The following ANO2 variants were observed in gnomAD, a reference collection of about 807,000 sequenced individuals.
The protein encoded by ANO2 is anoctamin 2.
In ANO2, 101 loss-of-function variants were observed where a neutral mutation model predicts 124.2. That is an observed-to-expected ratio of 0.81 (90% CI 0.69 to 0.96). ANO2 has a LOEUF of 0.96. ANO2 is among the 40% of genes least tolerant of loss of function. ANO2 has a pLI of 0.00. For synonymous variants in ANO2, 486 were observed against 482.5 expected (o/e 1.01, Z -0.09); for missense variants, 1,293 against 1,274.5 (o/e 1.01, Z -0.22).
chr12:5,804,358 T>A (rs1305151647), intron 9 of ANO2, among the ~76,000 whole-genome samples: 1 of 151,932 alleles, frequency 6.6e-6, no homozygotes, highest in African/African-American at 2.4e-5. Context: ...GACACTAAGG[T>A]TTTAGTCCTG....
chr12:5,563,688 G>A (rs1173025816), intron 24 of ANO2, 120 bp from the exon 25 acceptor site: 33 of 1,290,756 alleles, frequency 2.6e-5, no homozygotes, highest in South Asian at 6.8e-5. Flanking sequence ...CCCAGTGATC[G>A]CAACCAGTGA....
intron 15 of ANO2, among the ~76,000 whole-genome samples, chr12:5,642,715 C>T (rs1385916301): frequency 6.6e-6 from 1 of 152,128 alleles, no homozygotes; most frequent in Non-Finnish European, 1.5e-5. Flanking sequence ...ATAGAATTAG[C>T]CCATGTCCTT....
intron 14 of ANO2, among the ~76,000 whole-genome samples, chr12:5,648,127 T>C (rs1946738963): frequency 6.6e-6 from 1 of 152,194 alleles, no homozygotes; most frequent in East Asian, 1.9e-4. Flanking sequence ...TATTTTTTCA[T>C]CTGTAAATTG....
intron 6 of ANO2, among the ~76,000 whole-genome samples, chr12:5,828,247 T>A (rs1323963234): frequency 3.3e-5 from 5 of 151,534 alleles, no homozygotes; most frequent in Non-Finnish European, 7.4e-5. Context: ...GTCTGGCGGG[T>A]CCCGGGGAGG....
intron 10 of ANO2, among the ~76,000 whole-genome samples, chr12:5,789,913 G>A (rs1952648352): frequency 6.6e-6 from 1 of 152,224 alleles, no homozygotes; most frequent in Non-Finnish European, 1.5e-5. Flanking sequence ...TGTGGTGTGG[G>A]TGGAGAACAT....
chr12:5,841,316 T>C (rs1457201110), intron 4 of ANO2, among the ~76,000 whole-genome samples: 1 of 152,022 alleles, frequency 6.6e-6, no homozygotes, highest in African/African-American at 2.4e-5. Context: ...GGCTGCCCAT[T>C]CCCCTCCACC....
At chr12:5,802,004 G>A (rs1953056212) in intron 9 of ANO2, among the ~76,000 whole-genome samples, 1 of 152,140 alleles carries the variant, frequency 6.6e-6, no homozygotes, top group Non-Finnish European at 1.5e-5. Context: ...CGAGAGCTAT[G>A]GGACGTCACT....
intron 14 of ANO2, among the ~76,000 whole-genome samples, chr12:5,715,019 C>T (rs75157566): frequency 8.7e-4 from 133 of 152,110 alleles, no homozygotes; most frequent in Non-Finnish European, 1.5e-3. Context: ...AAGTAAAGAA[C>T]ATCATATTAA....
chr12:5,711,247 C>A (rs1442963261), intron 14 of ANO2, among the ~76,000 whole-genome samples: 4 of 152,012 alleles, frequency 2.6e-5, no homozygotes, highest in African/African-American at 9.7e-5. Context: ...TCAGGAATGT[C>A]TTGGTGCCAT....
chr12:5,881,974 G>A (rs561018513), intron 3 of ANO2, among the ~76,000 whole-genome samples: 31 of 152,308 alleles, frequency 2.0e-4, no homozygotes, highest in African/African-American at 7.0e-4. Flanking sequence ...AACTCTTTCA[G>A]GCAAAGGTTA....
rs1181321725 is a variant in ANO2, at chr12:5,731,866, C to A, written c.1545+654G>T. ...AGGAACATTGCACAAGTAGCTTGAG[C>A]AAATACAGGCATGTATTTGCCACTG... On this transcript the variant is annotated intron_variant, in intron 14 of 24. Coordinates refer to ENST00000682330, the MANE Select transcript of ANO2 (RefSeq NM_001364791.2). Among the ~76,000 whole-genome samples the A allele has an allele frequency of 5.9e-5, 9 of 152,130 alleles. No homozygotes were observed. In the South Asian group the frequency reaches 1.5e-3, roughly 25 times the overall value.
In ANO2 at chr12:5,697,652, G is replaced by A. The variant is rs577659222; in HGVS notation, c.1545+34868C>T. Among the ~76,000 whole-genome samples, 7 of 152,274 alleles carry A rather than the reference G, an allele frequency of 4.6e-5. No homozygotes were observed. The South Asian group carries it at 8.3e-4, about 18-fold the overall frequency. ...CACCAAGCATGAGCCAAAGCAGGGCGAGGCATCCCCTCACCCGGGAAACGC... is the reference window on the plus strand; with the variant it reads ...CACCAAGCATGAGCCAAAGCAGGGCAAGGCATCCCCTCACCCGGGAAACGC... On this transcript the variant is annotated intron_variant, in intron 14 of 24. Transcript: ENST00000682330.
At position 5,672,736 on chromosome 12, in the gene ANO2, T is replaced by C. The variant is rs187993976; in HGVS notation, c.1546-24935A>G. Among the ~76,000 whole-genome samples the C allele has an allele frequency of 3.2e-3, 486 of 152,324 alleles. 3 individuals are homozygous for C. Among genetic ancestry groups the C allele is most frequent in the African/African-American group, 0.011 (469 of 41,566 alleles). On this transcript the variant is annotated intron_variant, in intron 14 of 24. Transcript: ENST00000682330. ...TGCCCAGTGACCTGGCACTGAGGAA[T>C]ATCATCCACCCCAGGCAAGAGTCTA...
chr12:5,725,416 A>G (rs1454828828), intron 14 of ANO2, among the ~76,000 whole-genome samples: 2 of 152,164 alleles, frequency 1.3e-5, no homozygotes, highest in African/African-American at 4.8e-5. Flanking sequence ...CTAAAGTTAC[A>G]TAGACTTATT....
chr12:5,673,756 C>A (rs1272958762), intron 14 of ANO2, among the ~76,000 whole-genome samples: 1 of 152,220 alleles, frequency 6.6e-6, no homozygotes, highest in East Asian at 1.9e-4. Context: ...AGCCAGTGGT[C>A]ACTTCCTATT....
At chr12:5,736,708 G>C (rs1044489797) in intron 13 of ANO2, among the ~76,000 whole-genome samples, 2 of 152,108 alleles carry the variant, frequency 1.3e-5, no homozygotes, top group Non-Finnish European at 2.9e-5. Flanking sequence ...TTAGCAATCA[G>C]GACCCTCCCT....
chr12:5,819,495 A>G (rs2137196463), intron 7 of ANO2, among the ~76,000 whole-genome samples: 1 of 152,264 alleles, frequency 6.6e-6, no homozygotes, highest in South Asian at 2.1e-4. Flanking sequence ...GGGTTCTAAT[A>G]GTTTATTTGC....
intron 14 of ANO2, among the ~76,000 whole-genome samples, chr12:5,707,380 T>C (rs1949653098): frequency 1.3e-5 from 2 of 152,228 alleles, no homozygotes; most frequent in African/African-American, 4.8e-5. Flanking sequence ...AACAAACTAA[T>C]ACAATACAGC....
intron 14 of ANO2, among the ~76,000 whole-genome samples, chr12:5,726,159 A>G (rs139304301): frequency 1.8e-3 from 267 of 152,168 alleles, no homozygotes; most frequent in African/African-American, 6.1e-3. Flanking sequence ...AATCCACGCT[A>G]TTCTTTTATT....
Sources: allele counts gnomAD v4.1 joint callset (sites outside exome capture counted in the v4.1 genomes callset), GRCh38; gene constraint gnomAD v4.1.1; transcripts MANE v1.5; gene names NCBI Gene and HGNC (gene_info 2026-07-23, HGNC 2026-07-21).